The following ZNF385D variants were observed in gnomAD, a reference collection of about 807,000 sequenced individuals.
ZNF385D encodes the protein zinc finger protein 659.
ZNF385D carries 15 observed loss-of-function variants against 35.8 expected under a neutral mutation model. The ratio of observed to expected loss-of-function variants is 0.42; its 90% CI spans 0.28 to 0.64. The LOEUF (loss-of-function observed/expected upper bound fraction) is 0.64. ZNF385D is among the 30% of genes least tolerant of loss of function. The pLI, the probability that ZNF385D is intolerant of heterozygous loss-of-function variation, is 0.23. For missense variants in ZNF385D, 474 were observed against 494.6 expected (o/e 0.96, Z 0.39); for synonymous variants, 212 against 186.8 (o/e 1.13, Z -1.10).
intron 3 of ZNF385D, among the ~76,000 whole-genome samples, chr3:21,981,774 T>G (rs1694466608): frequency 6.6e-6 from 1 of 152,192 alleles, no homozygotes; most frequent in Admixed American, 6.5e-5. Flanking sequence ...TTCAATCTTC[T>G]GCTTATGGCT....
At chr3:22,082,906 A>T (rs2125586346) in intron 3 of ZNF385D, among the ~76,000 whole-genome samples, 1 of 152,360 alleles carries the variant, frequency 6.6e-6, no homozygotes, top group East Asian at 1.9e-4. Context: ...GCTGTTCTGC[A>T]GCCTCTGCTG....
intron 3 of ZNF385D, among the ~76,000 whole-genome samples, chr3:21,795,021 C>T (rs2125671037): frequency 6.6e-6 from 1 of 152,288 alleles, no homozygotes; most frequent in East Asian, 1.9e-4. Context: ...TCAGTGTCCG[C>T]TGTAGGTTCA....
intron 2 of ZNF385D, among the ~76,000 whole-genome samples, chr3:21,602,362 A>G (rs1203170315): frequency 6.6e-6 from 1 of 151,858 alleles, no homozygotes; most frequent in Non-Finnish European, 1.5e-5. Flanking sequence ...TCTAGCACAT[A>G]TTGGCCAGCG....
chr3:21,998,125 T>C (rs567916139), intron 3 of ZNF385D, among the ~76,000 whole-genome samples: 1 of 152,282 alleles, frequency 6.6e-6, no homozygotes, highest in Non-Finnish European at 1.5e-5. Flanking sequence ...GCCTGGAAGT[T>C]ACCTTATATG....
rs139263596 is a variant in ZNF385D at position 22,250,910 on chromosome 3, G to A, written c.107-81875C>T. On this transcript the variant is annotated intron_variant, in intron 2 of 5. Coordinates refer to the ZNF385D transcript ENST00000494108. ...AAGACCCTTCAAGAACTTTATTAAT[G>A]AGGACTTGAGAATCGACCAAATGTT... 4.1e-3 allele frequency among the ~76,000 whole-genome samples: 622 copies of A among 152,118 alleles called. 3 individuals carry two copies. The highest frequency in any genetic ancestry group is 0.014 in the African/African-American group (593 of 41,502).
chr3:21,738,443 T>C (rs1559569324), intron 1 of ZNF385D, among the ~76,000 whole-genome samples: 1 of 152,214 alleles, frequency 6.6e-6, no homozygotes, highest in Non-Finnish European at 1.5e-5. Flanking sequence ...TGGGTTGCCA[T>C]ACTTACAAAA....
intron 5 of ZNF385D, among the ~76,000 whole-genome samples, chr3:21,427,029 C>T (rs542617297): frequency 1.2e-4 from 19 of 152,090 alleles, no homozygotes; most frequent in East Asian, 1.9e-4. Context: ...GAAGATAGGA[C>T]GAATTGAAAC....
chr3:22,331,281 T>C (rs1694923299), intron 2 of ZNF385D, among the ~76,000 whole-genome samples: 1 of 152,152 alleles, frequency 6.6e-6, no homozygotes, highest in African/African-American at 2.4e-5. Flanking sequence ...GTGTCAGTGC[T>C]AGAACTATAC....
chr3:21,763,671 T>C (rs1415899007), intron 3 of ZNF385D, among the ~76,000 whole-genome samples: 4 of 152,162 alleles, frequency 2.6e-5, no homozygotes, highest in East Asian at 1.9e-4. Flanking sequence ...TTTAGTTAAA[T>C]AAAATCATAC....
intron 2 of ZNF385D, among the ~76,000 whole-genome samples, chr3:22,335,265 G>A (rs1318117772): frequency 2.0e-5 from 3 of 152,218 alleles, no homozygotes; most frequent in African/African-American, 7.2e-5. Flanking sequence ...CCATGATCAT[G>A]ATGGCTTCAA....
intron 1 of ZNF385D, among the ~76,000 whole-genome samples, chr3:21,691,833 T>A (rs1478027093): frequency 6.6e-6 from 1 of 152,238 alleles, no homozygotes; most frequent in Admixed American, 6.5e-5. Context: ...AAATCCAGAA[T>A]GTTTTCATCA....
rs918787219 is a variant in ZNF385D, at chr3:21,853,380, T to C, written c.326-188352A>G. 5.9e-5 allele frequency among the ~76,000 whole-genome samples: 9 copies of C among 151,932 alleles called. No individual in the cohort carries two copies. The South Asian group carries it at 6.2e-4, about 10-fold the overall frequency. On this transcript the variant is annotated intron_variant, in intron 3 of 5. Coordinates refer to the ZNF385D transcript ENST00000494108. ...GTGGTAATATCTATTAGATCAGAAATAATATGTTCAGTAAGTCAATCCACT... is the reference window on the plus strand; with the variant it reads ...GTGGTAATATCTATTAGATCAGAAACAATATGTTCAGTAAGTCAATCCACT...
At chr3:21,824,449 CCTTT>C (rs764691921) in intron 3 of ZNF385D, among the ~76,000 whole-genome samples, 4 of 150,320 alleles carry the variant, frequency 2.7e-5, no homozygotes, top group South Asian at 2.1e-4. Flanking sequence ...AAGGTCTCTC[CCTTT>C]CTCTCTCACA....
In ZNF385D at chr3:21,496,483, C is replaced by T. The variant is rs112918176; in HGVS notation, c.439+14378G>A. ...TATATATCATATATATACATATATA[C>T]ACATATATTTGATATATATATCATA... On this transcript the variant is annotated intron_variant, in intron 4 of 7. Coordinates refer to ENST00000281523, the MANE Select transcript of ZNF385D (RefSeq NM_024697.3). Among the ~76,000 whole-genome samples, 192 of 106,510 alleles carry T rather than the reference C, an allele frequency of 1.8e-3. 2 individuals are homozygous for T. The highest frequency in any genetic ancestry group is 5.4e-3 in the African/African-American group (152 of 28,144). The allele number at this position is 106,510 out of a possible 152,430, so 69.9% of individuals were successfully genotyped here.
chr3:21,800,297 G>A (rs80173191), intron 3 of ZNF385D, among the ~76,000 whole-genome samples: 1 of 152,272 alleles, frequency 6.6e-6, no homozygotes, highest in East Asian at 1.9e-4. Context: ...TTGGGCTTTT[G>A]ATAGGGATGG....
chr3:22,218,213 C>G (rs962860710), intron 2 of ZNF385D, among the ~76,000 whole-genome samples: 1 of 151,902 alleles, frequency 6.6e-6, no homozygotes, highest in Non-Finnish European at 1.5e-5. Context: ...ATTATTGAGT[C>G]TTCTTTAATT....
intron 3 of ZNF385D, among the ~76,000 whole-genome samples, chr3:21,972,455 T>C (rs1049234136): frequency 3.3e-5 from 5 of 151,964 alleles, no homozygotes; most frequent in Non-Finnish European, 7.4e-5. Flanking sequence ...GGAAAGTTTA[T>C]AGCCATAAGT....
intron 2 of ZNF385D, among the ~76,000 whole-genome samples, chr3:22,231,709 A>G (rs1331458361): frequency 1.3e-5 from 2 of 152,096 alleles, no homozygotes; most frequent in Admixed American, 6.6e-5. Context: ...TCCTGGGGCA[A>G]GGAGCAGAGC....
At chr3:22,264,426 T>G (rs1700792498) in intron 2 of ZNF385D, among the ~76,000 whole-genome samples, 6 of 152,018 alleles carry the variant, frequency 3.9e-5, no homozygotes, top group Admixed American at 3.9e-4. Flanking sequence ...CTGTGTTGCA[T>G]GGCAAAGACT....
Sources: gnomAD v4.1 joint callset for allele counts (sites outside exome capture counted in the v4.1 genomes callset) on GRCh38, gnomAD v4.1.1 for gene constraint, MANE v1.5 for transcripts, NCBI Gene and HGNC (gene_info 2026-07-23, HGNC 2026-07-21) for gene names.